The following PPP2R2B variants were observed in gnomAD, a reference collection of about 807,000 sequenced individuals.
PPP2R2B encodes serine/threonine-protein phosphatase 2A 55 kDa regulatory subunit B beta isoform.
PPP2R2B carries 5 observed loss-of-function variants against 46.0 expected under a neutral mutation model. That is an observed-to-expected ratio of 0.11 (90% CI 0.06 to 0.23). PPP2R2B has a LOEUF of 0.23. Among genes scored for constraint, PPP2R2B ranks in the 10% least tolerant of loss-of-function variants. PPP2R2B has a pLI of 1.00. For missense variants in PPP2R2B, 367 were observed against 575.0 expected (o/e 0.64, Z 3.70); for synonymous variants, 215 against 206.7 (o/e 1.04, Z -0.34).
Position 147,011,310 on chromosome 5 carries a change from C to A in PPP2R2B, c.79+44355G>T, listed in dbSNP as rs543456308. On this transcript the variant is annotated intron_variant, in intron 1 of 8. Coordinates refer to the PPP2R2B transcript ENST00000336640. The stretch of plus-strand genomic sequence containing the variant: ...TTAAAATTATAAATGCCCCCCCCAT[C>A]CCTACATAGGAGCTTTCCATTTTCT... 1.6e-4 allele frequency among the ~76,000 whole-genome samples: 25 copies of A among 152,110 alleles called. No homozygotes were observed. In the East Asian group the frequency reaches 2.5e-3, roughly 15 times the overall value.
chr5:146,962,998 T>C (rs1752243309), intron 1 of PPP2R2B, among the ~76,000 whole-genome samples: 1 of 152,204 alleles, frequency 6.6e-6, no homozygotes, highest in South Asian at 2.1e-4. Flanking sequence ...CAGGCCCCTT[T>C]ACTGTGCTGA....
At chr5:146,841,156 TC>T (rs985552131) in intron 2 of PPP2R2B, among the ~76,000 whole-genome samples, 82 of 152,178 alleles carry the variant, frequency 5.4e-4, no homozygotes, top group African/African-American at 2.0e-3. Context: ...TGCATAAAGA[TC>T]AAATGCACCA....
chr5:146,608,037 A>T (rs910339947), intron 7 of PPP2R2B, among the ~76,000 whole-genome samples: 1 of 152,260 alleles, frequency 6.6e-6, no homozygotes, highest in Non-Finnish European at 1.5e-5. Flanking sequence ...TGAAAATGTA[A>T]AAATACTGTT....
At position 146,923,279 on chromosome 5, in the gene PPP2R2B, C is replaced by A. The variant is rs190117237; in HGVS notation, c.79+132386G>T. Among the ~76,000 whole-genome samples, 28 of 152,216 alleles carry A rather than the reference C, an allele frequency of 1.8e-4. No homozygotes were observed. The East Asian group carries it at 5.4e-3, about 29-fold the overall frequency. On this transcript the variant is annotated intron_variant, in intron 1 of 8. Coordinates refer to the PPP2R2B transcript ENST00000336640. ...CAAGTATGACAGAGGTCTGAAGGAC[C>A]AGAGGGGACCACTTATTAGCTCATC...
intron 1 of PPP2R2B, among the ~76,000 whole-genome samples, chr5:146,918,641 T>C (rs1249190737): frequency 6.6e-6 from 1 of 152,194 alleles, no homozygotes; most frequent in African/African-American, 2.4e-5. Flanking sequence ...CTAATACCAC[T>C]CTGCCCCTTT....
rs1453816870 is a variant in PPP2R2B, at chr5:146,676,661, C to T, written c.447+14467G>A. Reference sequence around the variant, plus strand: ...TCCTCTAGAGGCCCCATTACACTGTCGGCTTTACATTAGGAGCATTTTATG... The same window carrying T: ...TCCTCTAGAGGCCCCATTACACTGTTGGCTTTACATTAGGAGCATTTTATG... On this transcript the variant is annotated intron_variant, in intron 5 of 9. Transcript: ENST00000394411. 5.9e-5 allele frequency among the ~76,000 whole-genome samples: 9 copies of T among 152,124 alleles called. No homozygotes were observed. The South Asian group carries it at 1.2e-3, about 21-fold the overall frequency.
intron 2 of PPP2R2B, among the ~76,000 whole-genome samples, chr5:147,069,743 A>G (rs569657938): frequency 1.5e-4 from 20 of 132,352 alleles, no homozygotes; most frequent in African/African-American, 5.3e-4. Context: ...AGCATTCCCC[A>G]TTCCCTCATT....
chr5:146,715,414 T>C (rs1780439920), intron 2 of PPP2R2B, among the ~76,000 whole-genome samples: 1 of 152,278 alleles, frequency 6.6e-6, no homozygotes, highest in Middle Eastern at 3.4e-3. Context: ...AAAAGCATAG[T>C]TTTTCTTTGA....
intron 1 of PPP2R2B, among the ~76,000 whole-genome samples, chr5:146,954,754 ATATG>A (rs1561539247): frequency 1.1e-5 from 1 of 87,758 alleles, no homozygotes; most frequent in Non-Finnish European, 2.6e-5. Flanking sequence ...ATATGTGTAT[ATATG>A]TGTGTGTGTG....
intron 1 of PPP2R2B, among the ~76,000 whole-genome samples, chr5:146,971,739 A>T (rs1752669797): frequency 6.6e-6 from 1 of 152,220 alleles, no homozygotes; most frequent in African/African-American, 2.4e-5. Context: ...AGCATTTCCA[A>T]CATATTAGGT....
At chr5:146,957,718 T>A (rs531937585) in intron 1 of PPP2R2B, among the ~76,000 whole-genome samples, 1 of 152,328 alleles carries the variant, frequency 6.6e-6, no homozygotes, top group East Asian at 1.9e-4. Context: ...TTTGTACATT[T>A]GTTGCAATAA....
chr5:147,023,569 G>A, intron 1 of PPP2R2B, among the ~76,000 whole-genome samples: 3 of 152,108 alleles, frequency 2.0e-5, no homozygotes, highest in Non-Finnish European at 4.4e-5. Context: ...TCATAAGAGG[G>A]ATATCTTAGT....
intron 2 of PPP2R2B, chr5:146,706,622 G>T: frequency 1.2e-6 from 1 of 809,020 alleles, no homozygotes; most frequent in South Asian, 1.3e-5. Context: ...CCGCATCTGC[G>T]ATGCCGGCCT....
intron 7 of PPP2R2B, among the ~76,000 whole-genome samples, chr5:146,633,902 A>G (rs1174325741): frequency 6.6e-6 from 1 of 152,138 alleles, no homozygotes; most frequent in Non-Finnish European, 1.5e-5. Flanking sequence ...AGAGTCCTCA[A>G]CACCTCTACT....
chr5:146,658,775 T>C (rs528108129), intron 5 of PPP2R2B, among the ~76,000 whole-genome samples: 19 of 152,310 alleles, frequency 1.2e-4, no homozygotes, highest in African/African-American at 4.6e-4. Context: ...TAAACATTCC[T>C]GAGAGGGACA....
chr5:146,953,094 C>T (rs184320298), intron 1 of PPP2R2B, among the ~76,000 whole-genome samples: 46 of 152,250 alleles, frequency 3.0e-4, no homozygotes, highest in African/African-American at 1.0e-3. Flanking sequence ...CAGTTACATG[C>T]CCTCCTGCTA....
chr5:146,846,335 C>A (rs1039014206), intron 2 of PPP2R2B, among the ~76,000 whole-genome samples: 2 of 142,734 alleles, frequency 1.4e-5, no homozygotes, highest in African/African-American at 2.6e-5. Flanking sequence ...GCCAAGATTG[C>A]GCCACCACAC....
At chr5:146,721,795 G>A (rs192288876) in intron 2 of PPP2R2B, among the ~76,000 whole-genome samples, 20 of 152,322 alleles carry the variant, frequency 1.3e-4, no homozygotes, top group South Asian at 4.1e-4. Flanking sequence ...ACTGAGCCAC[G>A]CATACCTCTT....
intron 2 of PPP2R2B, among the ~76,000 whole-genome samples, chr5:146,750,005 G>A (rs58227500): frequency 0.1 from 15,881 of 152,186 alleles, 1,300 homozygotes; most frequent in East Asian, 0.46. Context: ...GTGCCTATGG[G>A]AGTTCAATTG....
Sources: gnomAD v4.1 joint callset for allele counts (sites outside exome capture counted in the v4.1 genomes callset) on GRCh38, gnomAD v4.1.1 for gene constraint, MANE v1.5 for transcripts, NCBI Gene and HGNC (gene_info 2026-07-23, HGNC 2026-07-21) for gene names.